POLD1: variants seen among roughly 807,000 people sequenced by gnomAD.
POLD1 encodes the protein DNA polymerase delta catalytic subunit.
POLD1 carries 79 observed loss-of-function variants against 129.7 expected under a neutral mutation model. The observed-to-expected ratio is 0.61, with a 90% CI of 0.51 to 0.73. The LOEUF (loss-of-function observed/expected upper bound fraction) is 0.73, where lower values mean the gene tolerates loss of function less well. Ranked by LOEUF, POLD1 falls within the 30% of genes least tolerant of loss-of-function variation. The pLI is 0.00. For missense variants in POLD1, 1,338 were observed against 1,595.8 expected, an observed-to-expected ratio of 0.84 and a Z score of 2.75; for synonymous variants, 714 against 683.3, an observed-to-expected ratio of 1.04 and a Z score of -0.70.
intron 1 of POLD1, among the ~76,000 whole-genome samples, chr19:50,388,288 C>A (rs890882486): frequency 6.6e-6 from 1 of 152,136 alleles, no homozygotes; most frequent in African/African-American, 2.4e-5. Context: ...TACCATTGAA[C>A]TATATATACT....
chr19:50,393,107 C>G (rs569240573), intron 1 of POLD1, among the ~76,000 whole-genome samples: 2 of 152,272 alleles, frequency 1.3e-5, no homozygotes, highest in East Asian at 1.9e-4. Flanking sequence ...CTACAGTGTA[C>G]GTCCCTAGAT....
chr19:50,386,557 A>G lies in POLD1; in HGVS notation c.-2+2167A>G, dbSNP rs3219301. Among the ~76,000 whole-genome samples the G allele has an allele frequency of 7.3e-4, 111 of 152,342 alleles. No individual in the cohort carries two copies. The East Asian group carries it at 0.021, about 29-fold the overall frequency. On this transcript the variant is annotated intron_variant, in intron 1 of 26. Transcript: ENST00000440232. ...CAGGCTGAAAGGATCCCAGCTCTGC[A>G]TTGTGCAATAACGAAAGTGGCACAA...
intron 10 of POLD1, among the ~76,000 whole-genome samples, chr19:50,404,255 A>T (rs1345425516): frequency 6.8e-6 from 1 of 147,104 alleles, no homozygotes; most frequent in Non-Finnish European, 1.5e-5. Context: ...CTGTTTCCAC[A>T]TGTCCTCCCT....
chr19:50,404,452 C>T lies in POLD1; in HGVS notation c.1242+855C>T, dbSNP rs142772062. On this transcript the variant is annotated intron_variant, in intron 10 of 26. Coordinates refer to ENST00000440232, the MANE Select transcript of POLD1 (RefSeq NM_002691.4). ...TAATTTTTTGTGTTTTTAGTAGAGA[C>T]GGGGTTTCACTGTGTTAGCGAGGAT... Among the ~76,000 whole-genome samples the T allele has an allele frequency of 2.8e-4, 42 of 147,676 alleles. 1 individual carries two copies. The East Asian group carries it at 7.5e-3, about 27-fold the overall frequency.
At chr19:50,417,518 T>TCCCGACACACCCAGCCAGCCTGGC in intron 26 of POLD1, among the ~76,000 whole-genome samples, 1 of 152,026 alleles carries the variant, frequency 6.6e-6, no homozygotes, top group South Asian at 2.1e-4. Context: ...ACGGCTGTCC[T>TCCCGACACACCCAGCCAGCCTGGC]CCCGACACAC....
chr19:50,390,429 G>A (rs544102800), intron 1 of POLD1, among the ~76,000 whole-genome samples: 1 of 152,154 alleles, frequency 6.6e-6, no homozygotes, highest in South Asian at 2.1e-4. Flanking sequence ...TATTCTGGAG[G>A]CAACATGACA....
intron 1 of POLD1, among the ~76,000 whole-genome samples, chr19:50,390,220 T>TTTTTC (rs200923978): frequency 5.3e-5 from 8 of 151,350 alleles, no homozygotes; most frequent in Non-Finnish European, 1.2e-4. Context: ...ATAATTTCTT[T>TTTTTC]TTTTCTTTTC....
chr19:50,417,740 C>G (rs2039382729), intron 26 of POLD1, 102 bp from the exon 27 acceptor site: 1 of 438,018 alleles, frequency 2.3e-6, no homozygotes, highest in Non-Finnish European at 4.4e-6. Context: ...GTGGGCTGGG[C>G]AGCAGGCGGG....
At chr19:50,398,027 G>A (rs1192230832) in intron 1 of POLD1, among the ~76,000 whole-genome samples, 2 of 152,190 alleles carry the variant, frequency 1.3e-5, no homozygotes, top group African/African-American at 4.8e-5. Context: ...AGGAAAAGAA[G>A]TAACAATATG....
chr19:50,388,319 G>A (rs1042470359), intron 1 of POLD1, among the ~76,000 whole-genome samples: 1 of 152,214 alleles, frequency 6.6e-6, no homozygotes, highest in African/African-American at 2.4e-5. Context: ...GAATTGTATA[G>A]TATGTGAATT....
At chr19:50,412,740 T>G (rs564382385) in intron 17 of POLD1, among the ~76,000 whole-genome samples, 2,864 of 151,186 alleles carry the variant, frequency 0.019, 77 homozygotes, top group African/African-American at 0.055. Flanking sequence ...GGTGGTGGTG[T>G]TGTTGTTTAA....
chr19:50,400,701 T>A (rs2038566453), intron 3 of POLD1, among the ~76,000 whole-genome samples: 1 of 139,334 alleles, frequency 7.2e-6, no homozygotes, highest in Admixed American at 7.2e-5. Context: ...CTGGCTAACT[T>A]TTTTTTTTTT....
At position 50,397,638 on chromosome 19, in the gene POLD1, C is replaced by T. The variant is rs200867435; in HGVS notation, c.-1-1213C>T. ...CAGGCTGGTCTCGAACTCCTGACCT[C>T]GTGATCCGCCCACCTTGGCCTCCCA... On this transcript the variant is annotated intron_variant, in intron 1 of 26. Transcript: ENST00000440232. Among the ~76,000 whole-genome samples, 49 of 152,028 alleles carry T rather than the reference C, an allele frequency of 3.2e-4. No individual in the cohort carries two copies. In the East Asian group the frequency reaches 7.8e-3, roughly 24 times the overall value.
chr19:50,417,536 G>C (rs923038562), intron 26 of POLD1, among the ~76,000 whole-genome samples: 4 of 152,188 alleles, frequency 2.6e-5, no homozygotes, highest in Non-Finnish European at 5.9e-5. Flanking sequence ...CACCCAGCCA[G>C]CCTGGCCCCC....
At position 50,416,506 on chromosome 19, in the gene POLD1, C is replaced by T. The variant is rs1298783717; in HGVS notation, c.2931C>T (p.Gly977=). 4 of 1,552,418 alleles carry T rather than the reference C, an allele frequency of 2.6e-6. No individual in the cohort carries two copies. The highest frequency in any genetic ancestry group is 3.5e-6 in the Non-Finnish European group (4 of 1,149,256). ...LRIFEPILGE[G]RAEAVLLRGD... is the part of the protein sequence containing the mutation. ...TCTTCGAGCCCATCCTGGGCGAGGG[C>T]CGTGCCGAGGCTGTGCTACTGCGTA... Residue 977 remains glycine (G), a synonymous_variant, in exon 23 of 27, where the codon GGC becomes GGT. Coordinates refer to ENST00000440232, the MANE Select transcript of POLD1 (RefSeq NM_002691.4).
At chr19:50,400,138 T>TC (rs1409862029) in intron 3 of POLD1, among the ~76,000 whole-genome samples, 2 of 119,428 alleles carry the variant, frequency 1.7e-5, no homozygotes, top group South Asian at 2.5e-4. Flanking sequence ...AAAAGATTTT[T>TC]TTTTTTTTTT....
In POLD1 at chr19:50,417,890, G is replaced by A. The variant is rs1601254186; in HGVS notation, c.3267G>A (p.Leu1089=). The part of the protein sequence containing the change: ...FYMRKKVRKD[L]EDQEQLLRRF... ...TGCGCAAGAAGGTGCGGAAGGACCT[G>A]GAAGACCAGGAGCAGCTCCTGCGGC... Residue 1089 remains leucine, a synonymous_variant, in exon 27 of 27, where the codon CTG becomes CTA. Coordinates refer to ENST00000440232, the MANE Select transcript of POLD1 (RefSeq NM_002691.4). 5 of 1,611,680 alleles carry A rather than the reference G, an allele frequency of 3.1e-6. No homozygotes were observed. The highest frequency in any genetic ancestry group is 4.2e-6 in the Non-Finnish European group (5 of 1,179,136).
chr19:50,395,916 C>G (rs1489234359), intron 1 of POLD1, among the ~76,000 whole-genome samples: 1 of 101,276 alleles, frequency 9.9e-6, no homozygotes, highest in Non-Finnish European at 1.8e-5. Flanking sequence ...CAGGGTATTG[C>G]CATCTTGTCC....
rs1361625850 is a variant in POLD1, at chr19:50,406,563, C to T, written c.1494+46C>T. 7.2e-7 allele frequency: 1 copy of T among 1,380,448 alleles called. No homozygotes were observed. The highest frequency in any genetic ancestry group is 1.0e-6 in the Non-Finnish European group (1 of 992,766). 85.5% of individuals were successfully genotyped at this position (1,380,448 alleles called of 1,614,324 possible). On this transcript the variant is annotated intron_variant, in intron 12 of 26. Coordinates refer to ENST00000440232, the MANE Select transcript of POLD1 (RefSeq NM_002691.4). The surrounding 1 kb of genome is among the most constrained non-coding windows in gnomAD (Gnocchi z 5.5). ...CTCTCACCCCAACCTCTGACCTCCA[C>T]CTCACCCTTCCCCGGCCTCTGACCT...
Sources: gnomAD v4.1 joint callset for allele counts (sites outside exome capture counted in the v4.1 genomes callset) on GRCh38, gnomAD v4.1.1 for gene constraint, Gnocchi (gnomAD v3.1) non-coding constraint, MANE v1.5 for transcripts, NCBI Gene and HGNC (gene_info 2026-07-23, HGNC 2026-07-21) for gene names.